Variants in GMDS observed in about 807,000 individuals in gnomAD.
GMDS encodes GDP-mannose 4,6 dehydratase.
In GMDS, 20 loss-of-function variants were observed where a neutral mutation model predicts 49.9. That is an observed-to-expected ratio of 0.40 (90% CI 0.28 to 0.58). GMDS has a LOEUF of 0.58. Among genes scored for constraint, GMDS ranks in the 20% least tolerant of loss-of-function variants. GMDS has a pLI of 0.42. For missense variants in GMDS, 362 were observed against 481.4 expected (o/e 0.75, Z 2.32); for synonymous variants, 177 against 178.6 (o/e 0.99, Z 0.07).
intron 7 of GMDS, among the ~76,000 whole-genome samples, chr6:1,802,813 G>C (rs1324332426): frequency 1.3e-5 from 2 of 152,210 alleles, no homozygotes; most frequent in Admixed American, 6.5e-5. Flanking sequence ...ATCCATTGGA[G>C]GGCCAGTCTT....
intron 4 of GMDS, among the ~76,000 whole-genome samples, chr6:2,064,211 A>G (rs144226564): frequency 6.6e-6 from 1 of 152,348 alleles, no homozygotes; most frequent in East Asian, 1.9e-4. Flanking sequence ...GATCCAAGTG[A>G]TACTAAAAGT....
At chr6:2,070,592 T>A (rs960107945) in intron 4 of GMDS, among the ~76,000 whole-genome samples, 18 of 152,044 alleles carry the variant, frequency 1.2e-4, no homozygotes, top group Admixed American at 5.2e-4. Flanking sequence ...GTTATATATG[T>A]TTAAAGGCAT....
At chr6:2,209,890 C>A (rs955883634) in intron 1 of GMDS, among the ~76,000 whole-genome samples, 8 of 152,068 alleles carry the variant, frequency 5.3e-5, no homozygotes, top group African/African-American at 1.7e-4. Flanking sequence ...CCATGGCTGC[C>A]AGGCACAGGA....
At chr6:1,890,717 C>T (rs1038535057) in intron 7 of GMDS, among the ~76,000 whole-genome samples, 1 of 152,124 alleles carries the variant, frequency 6.6e-6, no homozygotes, top group African/African-American at 2.4e-5. Context: ...CTGGAATCTG[C>T]CTGTAATGTA....
rs182578822 is a variant in GMDS, at chr6:2,126,633, T to C, written c.103-1902A>G. ...GTTCATTAAAACCTAGAGCAGATTT[T>C]CTTCTTCTTCTTCTTTTTTAAGATG... On this transcript the variant is annotated intron_variant, in intron 1 of 10. Transcript: ENST00000380815. Among the ~76,000 whole-genome samples the C allele has an allele frequency of 4.7e-3, 716 of 152,106 alleles. 7 individuals carry two copies. Among genetic ancestry groups the C allele is most frequent in the African/African-American group, 0.017 (691 of 41,520 alleles).
At chr6:2,124,040 G>GTT (rs539213255) in intron 2 of GMDS, among the ~76,000 whole-genome samples, 5 of 142,526 alleles carry the variant, frequency 3.5e-5, no homozygotes, top group Non-Finnish European at 3.1e-5. Flanking sequence ...CACTGTAAAG[G>GTT]TTTTTTTTTT....
chr6:2,193,213 G>C (rs1183370937), intron 1 of GMDS, among the ~76,000 whole-genome samples: 1 of 152,158 alleles, frequency 6.6e-6, no homozygotes, highest in Non-Finnish European at 1.5e-5. Context: ...ATATTCACGT[G>C]GGTAAAAAAC....
intron 9 of GMDS, among the ~76,000 whole-genome samples, chr6:1,642,807 C>T (rs888464519): frequency 4.6e-5 from 7 of 152,196 alleles, no homozygotes; most frequent in African/African-American, 1.7e-4. Context: ...GTCTGTCTCT[C>T]CAAGTCCAAC....
At chr6:1,693,830 G>T (rs1340101912) in intron 9 of GMDS, among the ~76,000 whole-genome samples, 2 of 152,176 alleles carry the variant, frequency 1.3e-5, no homozygotes, top group African/African-American at 4.8e-5. Context: ...CTGAGCACGT[G>T]CTATGTACCC....
At chr6:1,910,129 T>C (rs1022184250) in intron 7 of GMDS, among the ~76,000 whole-genome samples, 1 of 152,204 alleles carries the variant, frequency 6.6e-6, no homozygotes, top group African/African-American at 2.4e-5. Flanking sequence ...AAATTAATGT[T>C]ACATTTTTAC....
intron 9 of GMDS, among the ~76,000 whole-genome samples, chr6:1,683,538 C>T (rs1457262381): frequency 3.3e-5 from 5 of 152,162 alleles, no homozygotes; most frequent in African/African-American, 9.7e-5. Context: ...CCAGGAATCC[C>T]GGGTCTGATG....
At chr6:2,083,966 A>C (rs1375192545) in intron 4 of GMDS, among the ~76,000 whole-genome samples, 1 of 152,238 alleles carries the variant, frequency 6.6e-6, no homozygotes, top group Non-Finnish European at 1.5e-5. Context: ...AGTTATAATA[A>C]ATCATAAATC....
chr6:1,809,376 C>T (rs919213605), intron 7 of GMDS, among the ~76,000 whole-genome samples: 10 of 152,160 alleles, frequency 6.6e-5, no homozygotes, highest in African/African-American at 2.4e-4. Flanking sequence ...TAACAGAACC[C>T]ATTACCAGTA....
chr6:1,906,409 C>A (rs536594608), intron 7 of GMDS, among the ~76,000 whole-genome samples: 7 of 152,304 alleles, frequency 4.6e-5, no homozygotes, highest in South Asian at 2.1e-4. Context: ...CACCAAAACA[C>A]TAATTGCTGT....
chr6:1,869,329 A>T (rs1758605433), intron 7 of GMDS, among the ~76,000 whole-genome samples: 1 of 152,162 alleles, frequency 6.6e-6, no homozygotes, highest in African/African-American at 2.4e-5. Flanking sequence ...CAAGGGCGTA[A>T]GTCACAGGCA....
intron 7 of GMDS, among the ~76,000 whole-genome samples, chr6:1,817,249 A>T (rs73409363): frequency 7.2e-5 from 11 of 151,954 alleles, no homozygotes; most frequent in African/African-American, 2.7e-4. Flanking sequence ...CAGACTCGTC[A>T]TAAGTGTGTA....
chr6:2,178,843 A>G (rs1778398339), intron 1 of GMDS, among the ~76,000 whole-genome samples: 1 of 152,226 alleles, frequency 6.6e-6, no homozygotes, highest in African/African-American at 2.4e-5. Flanking sequence ...CAGACTAACA[A>G]TGATATTCTG....
intron 9 of GMDS, among the ~76,000 whole-genome samples, chr6:1,722,782 C>T (rs551043318): frequency 2.0e-5 from 3 of 152,336 alleles, no homozygotes; most frequent in African/African-American, 4.8e-5. Flanking sequence ...AGAATGAACA[C>T]ACAATGCAAT....
At chr6:1,654,063 T>G (rs1048631826) in intron 9 of GMDS, among the ~76,000 whole-genome samples, 5 of 152,138 alleles carry the variant, frequency 3.3e-5, no homozygotes, top group African/African-American at 1.2e-4. Context: ...AGATACCATC[T>G]CATACCCATT....
Sources: gnomAD v4.1 joint callset for allele counts (sites outside exome capture counted in the v4.1 genomes callset) on GRCh38, gnomAD v4.1.1 for gene constraint, MANE v1.5 for transcripts, NCBI Gene and HGNC (gene_info 2026-07-23, HGNC 2026-07-21) for gene names.